ZBTB45: variants seen among roughly 807,000 people sequenced by gnomAD.
ZBTB45 encodes the protein zinc finger and BTB domain-containing protein 45.
Under a neutral mutation model 28.4 loss-of-function variants are expected in ZBTB45, and 22 were observed. The observed-to-expected ratio is 0.77, with a 90% CI of 0.55 to 1.10. ZBTB45 has a LOEUF of 1.10. Among genes scored for constraint, ZBTB45 ranks in the 50% least tolerant of loss-of-function variants. The pLI, the probability that ZBTB45 is intolerant of heterozygous loss-of-function variation, is 0.00. For synonymous variants in ZBTB45, 361 were observed against 332.3 expected (o/e 1.09, Z -0.94); for missense variants, 656 against 750.2 (o/e 0.87, Z 1.47).
chr19:58,526,479 G>T (rs112314870), intron 1 of ZBTB45, among the ~76,000 whole-genome samples: 45 of 150,484 alleles, frequency 3.0e-4, no homozygotes, highest in African/African-American at 1.0e-3. Flanking sequence ...CAAAATGCTG[G>T]GATTACAGGC....
Position 58,516,305 on chromosome 19 carries a change from T to C in ZBTB45, c.1279+90A>G, listed in dbSNP as rs74733770. The C allele has an allele frequency of 0.025, 37,387 of 1,491,096 alleles. 588 individuals are homozygous for C. The highest frequency in any genetic ancestry group is 0.03 in the Non-Finnish European group (32,271 of 1,090,458). 92.4% of individuals were successfully genotyped at this position (1,491,096 alleles called of 1,614,324 possible). On this transcript the variant is annotated intron_variant, in intron 2 of 2. Coordinates refer to ENST00000594051, the MANE Select transcript of ZBTB45 (RefSeq NM_001316979.2). This position sits in a 1 kb window ranked among gnomAD's most constrained non-coding sequence, Gnocchi z 6.2. ...CTGCTAACCAAAAGTAACAGAACAG[T>C]GCCAGTGCCCTGTAACTAGTGCTCA... is the stretch of plus-strand genomic sequence containing the variant.
intron 1 of ZBTB45, among the ~76,000 whole-genome samples, chr19:58,536,537 G>A (rs887888082): frequency 1.3e-5 from 2 of 151,864 alleles, no homozygotes; most frequent in Non-Finnish European, 1.5e-5. Context: ...CAGCTACTCA[G>A]GAGGCTAAGG....
At chr19:58,523,493 C>T (rs2053589170), upstream of ZBTB45, among the ~76,000 whole-genome samples, 1 of 151,530 alleles carries the variant, frequency 6.6e-6, no homozygotes, top group Admixed American at 6.6e-5. Flanking sequence ...CCAGCCTGGC[C>T]AATATGGTGA....
At chr19:58,534,557 T>A (rs2053650627) in intron 1 of ZBTB45, among the ~76,000 whole-genome samples, 1 of 27,060 alleles carries the variant, frequency 3.7e-5, no homozygotes, top group South Asian at 9.0e-4. Context: ...GCCCAGCTAA[T>A]TTTTTTTTTT....
At chr19:58,530,058 C>T (rs529547741) in intron 1 of ZBTB45, among the ~76,000 whole-genome samples, 68 of 152,108 alleles carry the variant, frequency 4.5e-4, no homozygotes, top group African/African-American at 1.5e-3. Context: ...CAAAAATTAG[C>T]CAAGCATGAT....
At chr19:58,537,763 G>A (rs891061540) in intron 1 of ZBTB45, among the ~76,000 whole-genome samples, 1 of 151,488 alleles carries the variant, frequency 6.6e-6, no homozygotes, top group African/African-American at 2.4e-5. Flanking sequence ...GGTCCTGTGT[G>A]ACCCACACGT....
At chr19:58,526,786 C>T (rs937321257) in intron 1 of ZBTB45, among the ~76,000 whole-genome samples, 1 of 151,606 alleles carries the variant, frequency 6.6e-6, no homozygotes, top group African/African-American at 2.4e-5. Flanking sequence ...CCGCCTCGGC[C>T]TCCCAAAGTG....
chr19:58,529,272 CA>C (rs1321185536), intron 1 of ZBTB45, among the ~76,000 whole-genome samples: 1 of 151,856 alleles, frequency 6.6e-6, no homozygotes, highest in Non-Finnish European at 1.5e-5. Context: ...AACCCTGTAT[CA>C]AAAAAATACA....
At chr19:58,521,051 CAAAAAAAAAAAAAAA>C (rs71190053), upstream of ZBTB45, among the ~76,000 whole-genome samples, 130 of 27,826 alleles carry the variant, frequency 4.7e-3, 3 homozygotes, top group East Asian at 9.0e-3. Flanking sequence ...GACTCCGTCT[CAAAAAAAAAAAAAAA>C]AAAAAAAAAA....
upstream of ZBTB45, chr19:58,520,370 C>T (rs900253769): frequency 1.3e-5 from 2 of 152,170 alleles, no homozygotes; most frequent in Non-Finnish European, 2.9e-5. Flanking sequence ...CTGAGCTAGA[C>T]CCTGTGAGAT....
intron 1 of ZBTB45, among the ~76,000 whole-genome samples, chr19:58,534,968 G>A (rs564261700): frequency 1.3e-5 from 2 of 151,990 alleles, no homozygotes; most frequent in Non-Finnish European, 2.9e-5. Context: ...CAATTCTCAT[G>A]CCTCAGCCTC....
Position 58,514,027 on chromosome 19 carries a change from C to A in ZBTB45, c.*27G>T, listed in dbSNP as rs1269141821. On this transcript the variant is annotated 3_prime_UTR_variant, in exon 3 of 3. Coordinates refer to ENST00000594051, the MANE Select transcript of ZBTB45 (RefSeq NM_001316979.2). ...ACTGTGCGGGAGGCCCCGGATCCAC[C>A]GTGGGCGAGGCCAGGCCCCAGCGCC... The A allele has an allele frequency of 4.3e-6, 6 of 1,385,374 alleles. No homozygotes were observed. The highest frequency in any genetic ancestry group is 5.6e-6 in the Non-Finnish European group (6 of 1,076,178). 85.8% of individuals were successfully genotyped at this position (1,385,374 alleles called of 1,614,324 possible). A position where few individuals can be genotyped will look rare whatever the true frequency, so the allele number is the denominator to read the frequency against.
intron 1 of ZBTB45, among the ~76,000 whole-genome samples, chr19:58,536,640 C>T (rs1265479539): frequency 1.3e-5 from 2 of 151,860 alleles, no homozygotes; most frequent in Non-Finnish European, 2.9e-5. Flanking sequence ...GAGACTCCAT[C>T]TCAAAAAAAA....
intron 1 of ZBTB45, among the ~76,000 whole-genome samples, chr19:58,532,714 T>C (rs1423265270): frequency 6.6e-6 from 1 of 151,448 alleles, no homozygotes; most frequent in Non-Finnish European, 1.5e-5. Flanking sequence ...GCCCAGCTCA[T>C]TGTTTGTGTT....
At chr19:58,520,156 C>T (rs900305464), upstream of ZBTB45, 1 of 152,186 alleles carries the variant, frequency 6.6e-6, no homozygotes, top group Admixed American at 6.6e-5. Context: ...GGGGAAGTGG[C>T]CTTATTCCTG....
rs2053520211 is a variant in ZBTB45, at chr19:58,517,236, A to C, written c.438T>G (p.Pro146=). ...GGCGCAGGCGGTGACGCAGCTGCGCAGGTGCGAGTGGCGGGGGCACAGGGG... is the reference window on the plus strand; with the variant it reads ...GGCGCAGGCGGTGACGCAGCTGCGCCGGTGCGAGTGGCGGGGGCACAGGGG... ...LPTPVPPPLA[P]AQLRHRLRHL... Residue 146 remains proline (P), a synonymous_variant, in exon 2 of 3, where the codon CCT becomes CCG. Coordinates refer to ENST00000594051, the MANE Select transcript of ZBTB45 (RefSeq NM_001316979.2). 1.9e-6 allele frequency: 3 copies of C among 1,561,360 alleles called. No individual in the cohort carries two copies. The highest frequency in any genetic ancestry group is 2.6e-6 in the Non-Finnish European group (3 of 1,152,960).
Position 58,516,579 on chromosome 19 carries a change from C to G in ZBTB45, c.1095G>C (p.Gln365His). The G allele has an allele frequency of 6.3e-7, 1 of 1,582,934 alleles. No homozygotes were observed. The highest frequency in any genetic ancestry group is 8.6e-7 in the Non-Finnish European group (1 of 1,164,718). The stretch of plus-strand genomic sequence containing the variant: ...GCTGAGTACTGGGGGCTGCCTCGGG[C>G]TGGAGTGTGGGGTAGAAGGCGGGTG... ...APPPAFYPTL[Q>H]PEAAPSTQLG... is the part of the protein sequence containing the mutation. Residue 365 changes from glutamine (Q) to histidine (H), a missense_variant, in exon 2 of 3, where the codon CAG (glutamine) becomes CAC (histidine). Coordinates refer to ENST00000594051, the MANE Select transcript of ZBTB45 (RefSeq NM_001316979.2). The surrounding 1 kb of genome is among the most constrained non-coding windows in gnomAD (Gnocchi z 6.2).
chr19:58,531,939 C>T (rs1305129471), intron 1 of ZBTB45, among the ~76,000 whole-genome samples: 1 of 152,084 alleles, frequency 6.6e-6, no homozygotes, highest in Non-Finnish European at 1.5e-5. Context: ...CCTGTACAGT[C>T]CTTGAATCAG....
intron 1 of ZBTB45, among the ~76,000 whole-genome samples, chr19:58,538,353 A>G (rs1050958937): frequency 2.0e-5 from 3 of 151,396 alleles, no homozygotes; most frequent in Non-Finnish European, 4.4e-5. Context: ...AACTTTCCCT[A>G]TTATCAGAGG....
Sources: gnomAD v4.1 joint callset for allele counts (sites outside exome capture counted in the v4.1 genomes callset) on GRCh38, gnomAD v4.1.1 for gene constraint, Gnocchi (gnomAD v3.1) non-coding constraint, MANE v1.5 for transcripts, NCBI Gene and HGNC (gene_info 2026-07-23, HGNC 2026-07-21) for gene names.